The following MED13L variants were observed in gnomAD, a reference collection of about 807,000 sequenced individuals.
MED13L encodes the protein mediator complex subunit 13L, also known as mediator of RNA polymerase II transcription subunit 13-like.
A neutral mutation model predicts 220.9 loss-of-function variants in MED13L; 7 were observed. The observed-to-expected ratio is 0.03, with a 90% confidence interval of 0.02 to 0.06. The LOEUF is 0.06. MED13L is among the 10% of genes least tolerant of loss of function. The pLI is 1.00. For synonymous variants in MED13L, 1,011 were observed against 1,015.2 expected (o/e 1.00, Z 0.08); for missense variants, 1,965 against 2,760.5 (o/e 0.71, Z 6.46).
intron 4 of MED13L, among the ~76,000 whole-genome samples, chr12:116,087,842 TAAAG>T (rs1871842132): frequency 6.6e-6 from 1 of 152,130 alleles, no homozygotes; most frequent in Non-Finnish European, 1.5e-5. Flanking sequence ...AAATATATAA[TAAAG>T]ATCTTTTATG....
chr12:116,262,261 C>T (rs924386598), intron 1 of MED13L, among the ~76,000 whole-genome samples: 1 of 152,116 alleles, frequency 6.6e-6, no homozygotes, highest in Non-Finnish European at 1.5e-5. Flanking sequence ...TACCACCAAA[C>T]TCAAACTTTT....
chr12:116,110,714 T>C (rs963272043), intron 3 of MED13L, among the ~76,000 whole-genome samples: 7 of 152,154 alleles, frequency 4.6e-5, no homozygotes, highest in Non-Finnish European at 1.0e-4. Flanking sequence ...TGACAGAACA[T>C]GTTAACATCA....
At chr12:116,020,051 T>C in intron 5 of MED13L, 79 bp from the exon 6 acceptor site, 1 of 1,295,662 alleles carries the variant, frequency 7.7e-7, no homozygotes, top group Non-Finnish European at 1.1e-6. Context: ...TATGTGGTAA[T>C]TTTAGGTTAC....
In MED13L at chr12:116,019,840, G is replaced by A. The variant is rs768465757; in HGVS notation, c.758C>T (p.Ser253Leu). 2.9e-5 allele frequency: 46 copies of A among 1,613,614 alleles called. No homozygotes were observed. The East Asian group carries it at 5.8e-4, about 20-fold the overall frequency. Residue 253 changes from serine (S) to leucine (L), a missense_variant, in exon 6 of 31, where the codon TCG becomes TTG. By Grantham distance (145) the Ser-to-Leu change is moderately radical. Transcript: ENST00000281928. Reference sequence around the variant, plus strand: ...ATATCCCAACTCGTCTTCCTCTTTCGATTCTTCTTTCTTTTTTAGCACCAT... The same window carrying A: ...ATATCCCAACTCGTCTTCCTCTTTCAATTCTTCTTTCTTTTTTAGCACCAT... ...YPMVLKKKEESKEEDELGYDD... is the reference protein window; with the variant it reads ...YPMVLKKKEELKEEDELGYDD...
In MED13L at chr12:115,979,062, G is replaced by A. The variant is rs149600691; in HGVS notation, c.5364+1688C>T. Among the ~76,000 whole-genome samples, 229 of 152,304 alleles carry A rather than the reference G, an allele frequency of 1.5e-3. 1 individual carries two copies. Among genetic ancestry groups the A allele is most frequent in the African/African-American group, 4.9e-3 (202 of 41,558 alleles). ...TGTATTTACCAAATGAAAACACAAT[G>A]TTCTCGCTGCAGACTGAGGCAGAGG... On this transcript the variant is annotated intron_variant, in intron 23 of 30. Coordinates refer to ENST00000281928, the MANE Select transcript of MED13L (RefSeq NM_015335.5).
At chr12:116,124,148 G>GAGAGACAGAGAC (rs1359230514) in intron 2 of MED13L, among the ~76,000 whole-genome samples, 2 of 93,778 alleles carry the variant, frequency 2.1e-5, no homozygotes, top group African/African-American at 6.5e-5. Flanking sequence ...GAGAGAGAGA[G>GAGAGACAGAGAC]AGACAGAGAC....
chr12:116,117,058 T>C (rs1443425970), intron 2 of MED13L, among the ~76,000 whole-genome samples: 1 of 151,836 alleles, frequency 6.6e-6, no homozygotes, highest in Non-Finnish European at 1.5e-5. Context: ...ACCATCCAAA[T>C]GTCTCTCAAC....
intron 4 of MED13L, among the ~76,000 whole-genome samples, chr12:116,080,151 A>G (rs557154522): frequency 6.6e-6 from 1 of 152,216 alleles, no homozygotes; most frequent in South Asian, 2.1e-4. Flanking sequence ...GCTATATTGT[A>G]ACTTGAGTGC....
chr12:116,238,500 A>G (rs1182717146), intron 1 of MED13L, among the ~76,000 whole-genome samples: 2 of 152,268 alleles, frequency 1.3e-5, no homozygotes, highest in South Asian at 2.1e-4. Context: ...TAAATTTCTT[A>G]AAGTTATAAA....
chr12:116,159,322 G>A (rs1878681397), intron 2 of MED13L, among the ~76,000 whole-genome samples: 1 of 152,126 alleles, frequency 6.6e-6, no homozygotes, highest in Non-Finnish European at 1.5e-5. Flanking sequence ...AATAGAAGTG[G>A]TTATTTTAGA....
At chr12:116,103,205 A>T (rs1437972673) in intron 3 of MED13L, among the ~76,000 whole-genome samples, 1 of 152,096 alleles carries the variant, frequency 6.6e-6, no homozygotes, top group Non-Finnish European at 1.5e-5. Flanking sequence ...TCTAGTTTTA[A>T]ACTTTTAATG....
At chr12:116,151,424 T>C (rs1020720545) in intron 2 of MED13L, among the ~76,000 whole-genome samples, 1 of 152,176 alleles carries the variant, frequency 6.6e-6, no homozygotes, top group African/African-American at 2.4e-5. Context: ...ACGAAGAAAC[T>C]CCATTAGCAA....
chr12:116,139,264 T>C (rs962623047), intron 2 of MED13L, among the ~76,000 whole-genome samples: 2 of 152,238 alleles, frequency 1.3e-5, no homozygotes, highest in African/African-American at 2.4e-5. Flanking sequence ...TATATGTCAC[T>C]GTTGCATAAA....
intron 1 of MED13L, among the ~76,000 whole-genome samples, chr12:116,255,026 T>A (rs988175427): frequency 3.3e-5 from 5 of 151,924 alleles, no homozygotes; most frequent in South Asian, 4.2e-4. Context: ...AGAAAAAAAA[T>A]TTTTAATTGA....
intron 4 of MED13L, among the ~76,000 whole-genome samples, chr12:116,067,877 CAA>C (rs1870071192): frequency 6.6e-6 from 1 of 152,152 alleles, no homozygotes; most frequent in South Asian, 2.1e-4. Flanking sequence ...CAACAAGACT[CAA>C]TAAAGGACAA....
At chr12:116,098,336 A>G (rs1872787284) in intron 3 of MED13L, among the ~76,000 whole-genome samples, 1 of 152,214 alleles carries the variant, frequency 6.6e-6, no homozygotes, top group Admixed American at 6.5e-5. Flanking sequence ...AACTACTGAA[A>G]TACAGTTATC....
chr12:116,001,958 C>T (rs761628404), intron 14 of MED13L, among the ~76,000 whole-genome samples: 8 of 152,130 alleles, frequency 5.3e-5, no homozygotes, highest in East Asian at 1.9e-4. Context: ...CTACGCATCA[C>T]GTCATGTCAA....
At chr12:116,057,854 T>TTA (rs1189644152) in intron 4 of MED13L, among the ~76,000 whole-genome samples, 1 of 152,154 alleles carries the variant, frequency 6.6e-6, no homozygotes, top group Non-Finnish European at 1.5e-5. Flanking sequence ...ATTTTTTTTA[T>TTA]TTCTGGTGCT....
At chr12:116,128,035 G>A (rs940810289) in intron 2 of MED13L, among the ~76,000 whole-genome samples, 2 of 152,032 alleles carry the variant, frequency 1.3e-5, no homozygotes, top group African/African-American at 2.4e-5. Flanking sequence ...TCCTCCAAGC[G>A]GCATTCCCTA....
Sources: gnomAD v4.1 joint callset for allele counts (sites outside exome capture counted in the v4.1 genomes callset) on GRCh38, gnomAD v4.1.1 for gene constraint, MANE v1.5 for transcripts, NCBI Gene and HGNC (gene_info 2026-07-23, HGNC 2026-07-21) for gene names.